Variants in PCDHA5 observed in about 807,000 individuals in gnomAD.
PCDHA5 encodes the protein protocadherin alpha 5.
A neutral mutation model predicts 61.6 loss-of-function variants in PCDHA5; 43 were observed. That is an observed-to-expected ratio of 0.70 (90% CI 0.55 to 0.90). The LOEUF is 0.90. Among genes scored for constraint, PCDHA5 ranks in the 40% least tolerant of loss-of-function variants. The probability of loss-of-function intolerance (pLI) is 0.00; values close to 1 mark genes in which losing one functional copy is unlikely to be tolerated. For synonymous variants in PCDHA5, 627 were observed against 543.9 expected (o/e 1.15, Z -2.13); for missense variants, 1,298 against 1,222.7 (o/e 1.06, Z -0.92).
At chr5:141,003,870 C>A (rs1345140541) in intron 3 of PCDHA5, among the ~76,000 whole-genome samples, 8 of 152,148 alleles carry the variant, frequency 5.3e-5, no homozygotes, top group Admixed American at 3.9e-4. Flanking sequence ...GTCTGAAATC[C>A]TCCTTCTAGC....
At chr5:140,962,126 C>A (rs1429316991) in intron 1 of PCDHA5, among the ~76,000 whole-genome samples, 1 of 152,094 alleles carries the variant, frequency 6.6e-6, no homozygotes. Flanking sequence ...ACCTTGGCCT[C>A]GGCCTCCCAA....
chr5:140,870,918 G>A, intron 1 of PCDHA5: 1 of 1,613,956 alleles, frequency 6.2e-7, no homozygotes, highest in Non-Finnish European at 8.5e-7. Context: ...ACAACGCGTG[G>A]CTTTCATATG....
chr5:140,828,305 G>A (rs2150153784), intron 1 of PCDHA5: 80 of 1,613,966 alleles, frequency 5.0e-5, no homozygotes, highest in Non-Finnish European at 6.7e-5. Flanking sequence ...CAAAGACCGC[G>A]AGGACCTTCT....
intron 1 of PCDHA5, chr5:140,854,326 T>G (rs1243654252): frequency 4.3e-6 from 1 of 230,654 alleles, no homozygotes; most frequent in East Asian, 1.8e-4. Context: ...AATGGCAAAC[T>G]TATTTTACGC....
intron 1 of PCDHA5, among the ~76,000 whole-genome samples, chr5:140,901,839 A>G (rs578262204): frequency 6.6e-6 from 1 of 152,226 alleles, no homozygotes; most frequent in Admixed American, 6.5e-5. Context: ...TAAACATGCA[A>G]TATCTTTCCA....
At chr5:140,913,959 T>TA (rs1562996315) in intron 1 of PCDHA5, among the ~76,000 whole-genome samples, 4 of 152,166 alleles carry the variant, frequency 2.6e-5, no homozygotes, top group African/African-American at 7.2e-5. Context: ...GATATCATTT[T>TA]TAAAAAAATA....
In PCDHA5 at chr5:141,012,118, T is replaced by C. The variant is rs2098422988; in HGVS notation, c.*2181T>C. 6.5e-6 allele frequency: 1 copy of C among 153,768 alleles called. No individual in the cohort carries two copies. The highest frequency in any genetic ancestry group is 2.4e-5 in the African/African-American group (1 of 41,458). The allele number at this position is 153,768 out of a possible 1,614,324, so 9.5% of individuals were successfully genotyped here. A position where few individuals can be genotyped will look rare whatever the true frequency, so the allele number is the denominator to read the frequency against. On this transcript the variant is annotated 3_prime_UTR_variant, in exon 4 of 4. Coordinates refer to ENST00000529859, the MANE Select transcript of PCDHA5 (RefSeq NM_018908.3). ...TCATTTTGCCCCACTGAAGCCCATG[T>C]ATCTGACCTTACGTGCCTTTTGAAC...
chr5:140,871,665 C>G, intron 1 of PCDHA5: 1 of 1,187,684 alleles, frequency 8.4e-7, no homozygotes, highest in African/African-American at 1.5e-5. Flanking sequence ...CATCTTCAGT[C>G]TTTTAATCAT....
rs140058365 is a variant in PCDHA5 at position 140,928,379 on chromosome 5, G to A, written c.2353-50570G>A. 5.7e-4 allele frequency: 913 copies of A among 1,614,172 alleles called. 5 individuals are homozygous for A. The African/African-American group carries it at 0.01, about 18-fold the overall frequency. On this transcript the variant is annotated intron_variant, in intron 1 of 3. Transcript: ENST00000529859. ...ATCTCTGAAGGGCCATCAGCCTCTA[G>A]CTTGCTGGCAGTGGAATCATCCAGT...
At chr5:140,994,720 A>C (rs2097647295) in intron 3 of PCDHA5, among the ~76,000 whole-genome samples, 1 of 152,160 alleles carries the variant, frequency 6.6e-6, no homozygotes. Flanking sequence ...AAAATTTAAA[A>C]TACTGGGTAT....
At chr5:140,987,451 T>G (rs1481665271) in intron 3 of PCDHA5, among the ~76,000 whole-genome samples, 2 of 152,108 alleles carry the variant, frequency 1.3e-5, no homozygotes, top group African/African-American at 4.8e-5. Flanking sequence ...GCCCGAGAGA[T>G]AATTGTTAAG....
Position 140,821,827 on chromosome 5 carries a change from C to T in PCDHA5, c.52C>T (p.Leu18Phe), listed in dbSNP as rs1458334239. The T allele has an allele frequency of 4.3e-6, 7 of 1,614,136 alleles. No homozygotes were observed. Among genetic ancestry groups the T allele is most frequent in the Non-Finnish European group, 5.9e-6 (7 of 1,180,002 alleles). ...SLGSRLLLLW[L>F]LLAYWKAGSG... ...GGGATCCCGGCTCCTGCTGCTCTGG[C>T]TTCTCCTTGCCTACTGGAAGGCAGG... The change falls in exon 1 of 4, where the codon CTT becomes TTT. Residue 18 changes from leucine (L) to phenylalanine (F), a missense_variant. Physicochemically the swap from Leu to Phe is conservative, Grantham distance 22 (BLOSUM62 0). Transcript: ENST00000529859.
At chr5:140,913,797 A>T (rs546197577) in intron 1 of PCDHA5, among the ~76,000 whole-genome samples, 1 of 152,210 alleles carries the variant, frequency 6.6e-6, no homozygotes, top group Admixed American at 6.5e-5. Context: ...ATTTGTTTGA[A>T]TCAAATTTTC....
chr5:140,877,760 G>T, intron 1 of PCDHA5: 1 of 1,614,194 alleles, frequency 6.2e-7, no homozygotes, highest in Non-Finnish European at 8.5e-7. Flanking sequence ...TCTGCAGAGA[G>T]CCCGCCCAAG....
At chr5:140,882,041 A>G (rs1374444489) in intron 1 of PCDHA5, 9 of 677,522 alleles carry the variant, frequency 1.3e-5, no homozygotes, top group African/African-American at 1.3e-4. Context: ...ATGAAGACTG[A>G]GTCATACTTA....
chr5:140,967,757 T>C, intron 1 of PCDHA5: 1 of 1,614,216 alleles, frequency 6.2e-7, no homozygotes, highest in Non-Finnish European at 8.5e-7. Flanking sequence ...AGCCTCCTCC[T>C]ACCAGATCTA....
chr5:140,927,342 T>TGAC (rs1554204398), intron 1 of PCDHA5: 2 of 1,614,160 alleles, frequency 1.2e-6, no homozygotes, highest in Admixed American at 3.3e-5. Flanking sequence ...ATGCCCAAGA[T>TGAC]GACGACGAGG....
At chr5:140,880,812 G>C (rs782505360) in intron 1 of PCDHA5, among the ~76,000 whole-genome samples, 2 of 152,200 alleles carry the variant, frequency 1.3e-5, no homozygotes, top group Non-Finnish European at 2.9e-5. Flanking sequence ...AATGACTCTA[G>C]AGTGTCTGGA....
intron 1 of PCDHA5, chr5:140,871,184 A>G (rs2052793987): frequency 6.2e-7 from 1 of 1,613,434 alleles, no homozygotes; most frequent in African/African-American, 1.3e-5. Context: ...GCGCTGGTGG[A>G]TGTCAACGTG....
Sources: allele counts gnomAD v4.1 joint callset (sites outside exome capture counted in the v4.1 genomes callset), GRCh38; gene constraint gnomAD v4.1.1; transcripts MANE v1.5; gene names NCBI Gene and HGNC (gene_info 2026-07-23, HGNC 2026-07-21).